WDR7: variants seen among roughly 807,000 people sequenced by gnomAD.
WDR7 encodes WD repeat domain 7.
Under a neutral mutation model 169.4 loss-of-function variants are expected in WDR7, and 46 were observed. The observed-to-expected ratio is 0.27, with a 90% confidence interval of 0.21 to 0.35. The LOEUF (loss-of-function observed/expected upper bound fraction) is 0.35. Ranked by LOEUF, WDR7 falls within the 10% of genes least tolerant of loss-of-function variation. The pLI is 1.00. For missense variants in WDR7, 1,534 were observed against 1,859.3 expected, an observed-to-expected ratio of 0.83 and a Z score of 3.22; for synonymous variants, 612 against 666.8, an observed-to-expected ratio of 0.92 and a Z score of 1.27.
intron 25 of WDR7, among the ~76,000 whole-genome samples, chr18:56,947,607 C>T (rs928374962): frequency 8.5e-5 from 13 of 152,304 alleles, no homozygotes; most frequent in African/African-American, 2.9e-4. Context: ...GTCCCTCACG[C>T]AGAAGACCAA....
intron 1 of WDR7, among the ~76,000 whole-genome samples, chr18:56,657,841 C>T (rs2024810978): frequency 1.3e-5 from 2 of 152,030 alleles, no homozygotes; most frequent in South Asian, 2.1e-4. Flanking sequence ...TATTAAGGAA[C>T]ATATATATTA....
At chr18:56,703,460 C>A (rs1040736813) in intron 12 of WDR7, among the ~76,000 whole-genome samples, 1 of 152,032 alleles carries the variant, frequency 6.6e-6, no homozygotes, top group African/African-American at 2.4e-5. Flanking sequence ...AGCTTAATAT[C>A]TGAAGTCAAG....
At position 56,757,173 on chromosome 18, in the gene WDR7, T is replaced by G. The variant is rs748130794; in HGVS notation, c.2580T>G (p.His860Gln). Residue 860 changes from histidine to glutamine, a missense_variant, in exon 15 of 28, where the codon CAT (histidine) becomes CAG (glutamine). Transcript: ENST00000254442. ...ATCAGCCTGCTTGTAAACTGTCACA[T>G]GGGAAAACAGAAGTAGGAAGGAAGC... ...GYNQPACKLSHGKTEVGRKLP... is the reference protein window; with the variant it reads ...GYNQPACKLSQGKTEVGRKLP... The G allele has an allele frequency of 6.2e-7, 1 of 1,613,962 alleles. No individual in the cohort carries two copies. The highest frequency in any genetic ancestry group is 8.5e-7 in the Non-Finnish European group (1 of 1,179,986).
chr18:56,715,077 G>A (rs2026163087), intron 12 of WDR7, among the ~76,000 whole-genome samples: 1 of 152,118 alleles, frequency 6.6e-6, no homozygotes, highest in Non-Finnish European at 1.5e-5. Context: ...TCTGTGGGGA[G>A]GGTGAAAGTT....
chr18:57,022,233 T>TC (rs1189501561), intron 27 of WDR7, among the ~76,000 whole-genome samples: 2 of 151,750 alleles, frequency 1.3e-5, no homozygotes, highest in South Asian at 2.1e-4. Flanking sequence ...TTTTTTGGGG[T>TC]CCCCCCCGCC....
At chr18:57,019,472 C>T (rs1389091784) in intron 26 of WDR7, among the ~76,000 whole-genome samples, 1 of 152,130 alleles carries the variant, frequency 6.6e-6, no homozygotes, top group African/African-American at 2.4e-5. Flanking sequence ...GTCCGGCTCA[C>T]ATCAATGCTC....
chr18:56,737,687 T>A (rs1463125692), intron 14 of WDR7, among the ~76,000 whole-genome samples: 1 of 152,232 alleles, frequency 6.6e-6, no homozygotes, highest in Non-Finnish European at 1.5e-5. Context: ...GAACATAGTC[T>A]GTGTTCTTTG....
chr18:56,830,124 G>A (rs1468770824), intron 20 of WDR7, among the ~76,000 whole-genome samples: 1 of 152,182 alleles, frequency 6.6e-6, no homozygotes, highest in East Asian at 1.9e-4. Flanking sequence ...AAAGTGAGAT[G>A]CAGTACAGGT....
intron 3 of WDR7, 98 bp downstream of exon 3, chr18:56,679,536 T>C: frequency 1.4e-6 from 1 of 693,786 alleles, no homozygotes; most frequent in South Asian, 2.8e-5. Context: ...TTTTAGAATA[T>C]CTCCTAAATA....
At chr18:56,790,452 A>T (rs2044466685) in intron 19 of WDR7, among the ~76,000 whole-genome samples, 1 of 152,186 alleles carries the variant, frequency 6.6e-6, no homozygotes, top group African/African-American at 2.4e-5. Context: ...GACAGAATAG[A>T]TCTTACGGAT....
rs959780484 is a variant in WDR7 at position 57,027,317 on chromosome 18, GCCA to G, written c.*111_*113del. 2.1e-5 allele frequency: 29 copies of G among 1,364,678 alleles called. No individual in the cohort carries two copies. In the African/African-American group the frequency reaches 3.2e-4, roughly 15 times the overall value. 84.5% of individuals were successfully genotyped at this position (1,364,678 alleles called of 1,614,324 possible). On this transcript the variant is annotated 3_prime_UTR_variant, in exon 28 of 28. Coordinates refer to ENST00000254442, the MANE Select transcript of WDR7 (RefSeq NM_015285.3). Reference sequence around the variant, plus strand: ...TTCCCAGGGGCCTGCCCACCCCAGTGCCATCCAGTGGCACGGCCGGGTCTTGTC... The same window carrying G: ...TTCCCAGGGGCCTGCCCACCCCAGTGTCCAGTGGCACGGCCGGGTCTTGTC...
chr18:56,755,630 G>C (rs1258752078), intron 14 of WDR7, among the ~76,000 whole-genome samples: 2 of 152,188 alleles, frequency 1.3e-5, no homozygotes, highest in Non-Finnish European at 2.9e-5. Context: ...CCCAATACAA[G>C]CCATTGGAGA....
chr18:56,855,006 T>C (rs1353558419), intron 20 of WDR7, among the ~76,000 whole-genome samples: 1 of 152,204 alleles, frequency 6.6e-6, no homozygotes, highest in African/African-American at 2.4e-5. Flanking sequence ...TTGCTGTGTC[T>C]TGGGGTATGC....
intron 20 of WDR7, among the ~76,000 whole-genome samples, chr18:56,856,067 G>A (rs1182044124): frequency 6.6e-6 from 1 of 152,144 alleles, no homozygotes; most frequent in African/African-American, 2.4e-5. Flanking sequence ...GGGGAGCGCA[G>A]GGAAAATCCT....
Position 56,703,756 on chromosome 18 carries a change from G to T in WDR7, c.1578+7294G>T, listed in dbSNP as rs547759372. On this transcript the variant is annotated intron_variant, in intron 12 of 27. Transcript: ENST00000254442. ...ATATTCCTACAACATCATTTTAAAT[G>T]ATACTCTGTAATTCATTTTTATTGG... Among the ~76,000 whole-genome samples, 6 of 151,344 alleles carry T rather than the reference G, an allele frequency of 4.0e-5. No homozygotes were observed. In the East Asian group the frequency reaches 9.6e-4, roughly 24 times the overall value.
chr18:56,765,711 G>GA (rs2044053497), intron 16 of WDR7, among the ~76,000 whole-genome samples: 1 of 152,024 alleles, frequency 6.6e-6, no homozygotes, highest in Non-Finnish European at 1.5e-5. Context: ...ATTCCTTTGT[G>GA]TAGATCAAGA....
At chr18:56,724,857 G>A (rs1390700913) in intron 13 of WDR7, among the ~76,000 whole-genome samples, 2 of 151,878 alleles carry the variant, frequency 1.3e-5, no homozygotes, top group South Asian at 4.2e-4. Flanking sequence ...CCTGTGTCCA[G>A]GTGTTCTCAT....
chr18:56,774,346 A>T (rs927193497), intron 16 of WDR7, among the ~76,000 whole-genome samples: 9 of 152,242 alleles, frequency 5.9e-5, no homozygotes, highest in African/African-American at 2.2e-4. Flanking sequence ...GTGTGCATAT[A>T]CACGTTGTCA....
chr18:56,670,506 ATTATTTTATT>A (rs1301066391), intron 1 of WDR7, among the ~76,000 whole-genome samples: 3 of 152,016 alleles, frequency 2.0e-5, no homozygotes, highest in Non-Finnish European at 2.9e-5. Context: ...GATATAAATT[ATTATTTTATT>A]TTATTTTATT....
Sources: allele counts gnomAD v4.1 joint callset (sites outside exome capture counted in the v4.1 genomes callset), GRCh38; gene constraint gnomAD v4.1.1; transcripts MANE v1.5; gene names NCBI Gene and HGNC (gene_info 2026-07-23, HGNC 2026-07-21).